Variants in ACAD11 observed in about 807,000 individuals in gnomAD.
ACAD11 encodes acyl-CoA dehydrogenase family member 11.
In ACAD11, 83 loss-of-function variants were observed where a neutral mutation model predicts 102.2. The observed-to-expected ratio is 0.81, with a 90% confidence interval of 0.68 to 0.97. The LOEUF is 0.97. ACAD11 is among the 50% of genes least tolerant of loss of function. ACAD11 has a pLI of 0.00. For synonymous variants in ACAD11, 324 were observed against 319.8 expected (o/e 1.01, Z -0.14); for missense variants, 901 against 951.7 (o/e 0.95, Z 0.70).
intron 13 of ACAD11, among the ~76,000 whole-genome samples, chr3:132,592,018 C>T (rs187719854): frequency 1.3e-5 from 2 of 152,154 alleles, no homozygotes; most frequent in Admixed American, 1.3e-4. Flanking sequence ...CTGTCTTCCT[C>T]AATCTTATAT....
rs548908111 is a variant in ACAD11, at chr3:132,637,519, G to C, written c.702+1973C>G. ...CAAAAATAAGGGGTTTCAATTTCTA[G>C]ATCACTGAAGTTGACAAGTTCCAAT... On this transcript the variant is annotated intron_variant, in intron 5 of 19. Coordinates refer to ENST00000264990, the MANE Select transcript of ACAD11 (RefSeq NM_032169.5). Among the ~76,000 whole-genome samples the C allele has an allele frequency of 1.4e-4, 21 of 152,230 alleles. No individual in the cohort carries two copies. In the South Asian group the frequency reaches 1.5e-3, roughly 11 times the overall value.
intron 12 of ACAD11, 187 bp downstream of exon 12, chr3:132,604,911 G>T (rs1938772078): frequency 2.1e-6 from 1 of 477,236 alleles, no homozygotes; most frequent in East Asian, 3.2e-5. Context: ...CAAAGGAGAG[G>T]ATCATATTTT....
chr3:132,570,932 C>T (rs1937357336), intron 17 of ACAD11, among the ~76,000 whole-genome samples: 1 of 152,182 alleles, frequency 6.6e-6, no homozygotes, highest in African/African-American at 2.4e-5. Flanking sequence ...TAGGTTGATT[C>T]CATGTCTTCA....
intron 17 of ACAD11, among the ~76,000 whole-genome samples, chr3:132,568,711 A>C (rs1403860928): frequency 6.6e-6 from 1 of 150,756 alleles, no homozygotes; most frequent in African/African-American, 2.5e-5. Context: ...ATAATGTCTG[A>C]CTGATTTTTG....
chr3:132,610,565 C>T (rs2107835698), intron 11 of ACAD11, among the ~76,000 whole-genome samples: 1 of 152,254 alleles, frequency 6.6e-6, no homozygotes, highest in African/African-American at 2.4e-5. Flanking sequence ...CACAGAAATA[C>T]AAACTACCAT....
At chr3:132,578,344 A>G (rs2107793871) in intron 15 of ACAD11, among the ~76,000 whole-genome samples, 1 of 152,316 alleles carries the variant, frequency 6.6e-6, no homozygotes, top group South Asian at 2.1e-4. Flanking sequence ...GTCCCACCCA[A>G]GGGCAGAGGA....
chr3:132,603,945 C>T (rs1020498868), intron 12 of ACAD11, among the ~76,000 whole-genome samples: 2 of 152,116 alleles, frequency 1.3e-5, no homozygotes, highest in Non-Finnish European at 2.9e-5. Context: ...CTTCAGATAT[C>T]CCATGTGTTC....
intron 17 of ACAD11, among the ~76,000 whole-genome samples, chr3:132,573,387 C>T (rs1289633480): frequency 6.6e-6 from 1 of 151,892 alleles, no homozygotes; most frequent in Non-Finnish European, 1.5e-5. Context: ...TATAAAGTAT[C>T]TCATTAATAA....
chr3:132,644,794 T>C lies in ACAD11; in HGVS notation c.249+3A>G. On this transcript the variant is annotated splice_donor_region_variant and intron_variant, in intron 2 of 19. Coordinates refer to ENST00000264990, the MANE Select transcript of ACAD11 (RefSeq NM_032169.5). ...AATTTATCATTACATTTGTATACTA[T>C]ACCTGATGTGCTTTAGGAAGAAGTG... 1 of 1,590,370 alleles carries C rather than the reference T, an allele frequency of 6.3e-7. No homozygotes were observed. The highest frequency in any genetic ancestry group is 1.7e-4 in the Middle Eastern group (1 of 5,982).
chr3:132,639,969 A>AAC (rs911226052), intron 4 of ACAD11, among the ~76,000 whole-genome samples: 3 of 151,286 alleles, frequency 2.0e-5, no homozygotes, highest in Admixed American at 6.6e-5. Flanking sequence ...AATGCATACA[A>AAC]ACACACACAC....
At position 132,631,371 on chromosome 3, in the gene ACAD11, T is replaced by C. The variant is rs1237724154; in HGVS notation, c.811A>G (p.Ile271Val). ...FYFWPRTVPM[I>V]NQGSYSENSG... ...TTTTCACTATAAGAACCTTGATTTA[T>C]CATTGGAACTGTCCTTGGCCAAAAG... Residue 271 changes from isoleucine to valine, a missense_variant, in exon 6 of 20, where the codon ATA becomes GTA. Ile to Val is a conservative substitution (Grantham distance 29, BLOSUM62 3). Coordinates refer to ENST00000264990, the MANE Select transcript of ACAD11 (RefSeq NM_032169.5). 8 of 1,519,480 alleles carry C rather than the reference T, an allele frequency of 5.3e-6. No homozygotes were observed. The highest frequency in any genetic ancestry group is 6.2e-6 in the Non-Finnish European group (7 of 1,130,460). The allele number at this position is 1,519,480 out of a possible 1,614,324, so 94.1% of individuals were successfully genotyped here.
At chr3:132,575,392 G>C (rs762041086) in intron 17 of ACAD11, among the ~76,000 whole-genome samples, 1 of 152,066 alleles carries the variant, frequency 6.6e-6, no homozygotes, top group Non-Finnish European at 1.5e-5. Context: ...CTGTTTTCCT[G>C]TAACTTTACA....
intron 5 of ACAD11, 69 bp downstream of exon 5, chr3:132,639,423 G>T: frequency 6.8e-7 from 1 of 1,461,244 alleles, no homozygotes; most frequent in Non-Finnish European, 9.3e-7. Context: ...TGCTCTGGGG[G>T]GAGCATTTAC....
At chr3:132,646,151 T>C (rs1443698337) in intron 1 of ACAD11, among the ~76,000 whole-genome samples, 1 of 152,192 alleles carries the variant, frequency 6.6e-6, no homozygotes, top group East Asian at 1.9e-4. Context: ...TAATTTTTTG[T>C]ATTTTTAGTA....
At chr3:132,575,648 T>C (rs1937511455) in intron 17 of ACAD11, 124 bp downstream of exon 17, 1 of 1,134,880 alleles carries the variant, frequency 8.8e-7, no homozygotes, top group Non-Finnish European at 1.2e-6. Context: ...GACATAAATA[T>C]GCCTTATTGA....
chr3:132,564,563 T>G (rs1937156320), intron 17 of ACAD11, among the ~76,000 whole-genome samples: 1 of 152,198 alleles, frequency 6.6e-6, no homozygotes, highest in Non-Finnish European at 1.5e-5. Context: ...GTACACATAC[T>G]AGAGCGTGTG....
At position 132,560,310 on chromosome 3, in the gene ACAD11, ATGTC is replaced by A. The variant is rs369500367; in HGVS notation, c.2119-372_2119-369del. On this transcript the variant is annotated intron_variant, in intron 18 of 19. Transcript: ENST00000264990. ...TATGGGCTTTTAGAATTAAATGATT[ATGTC>A]TTTATTTCATATAATCCAGAAACAT... is the stretch of plus-strand genomic sequence containing the variant. Among the ~76,000 whole-genome samples the A allele has an allele frequency of 3.7e-3, 559 of 152,302 alleles. 5 individuals carry two copies. The highest frequency in any genetic ancestry group is 0.012 in the African/African-American group (499 of 41,586).
At position 132,619,453 on chromosome 3, in the gene ACAD11, TA is replaced by T. The variant is rs756317201; in HGVS notation, c.1275+14del. ...CACTTGCATATGAATTTTCTAGCGT[TA>T]AAGATTTTCTTACCTTGAGTTTATC... On this transcript the variant is annotated intron_variant, in intron 10 of 19. Transcript: ENST00000264990. 1.5e-5 allele frequency: 23 copies of T among 1,554,080 alleles called. No individual in the cohort carries two copies. In the South Asian group the frequency reaches 2.8e-4, roughly 19 times the overall value.
At chr3:132,580,407 A>G (rs2107795742) in intron 13 of ACAD11, among the ~76,000 whole-genome samples, 1 of 152,166 alleles carries the variant, frequency 6.6e-6, no homozygotes, top group Admixed American at 6.5e-5. Flanking sequence ...TCTATAAGAC[A>G]ACTAATCCAG....
Sources: allele counts gnomAD v4.1 joint callset (sites outside exome capture counted in the v4.1 genomes callset), GRCh38; gene constraint gnomAD v4.1.1; transcripts MANE v1.5; gene names NCBI Gene and HGNC (gene_info 2026-07-23, HGNC 2026-07-21).